Variants in ARF1 observed in about 807,000 individuals in gnomAD.
The protein encoded by ARF1 is ARF GTPase 1, also known as ADP-ribosylation factor 1.
A neutral mutation model predicts 18.0 loss-of-function variants in ARF1; 1 was observed. That is an observed-to-expected ratio of 0.06 (90% CI 0.02 to 0.26). The LOEUF is 0.26. ARF1 is among the 10% of genes least tolerant of loss of function. ARF1 has a pLI of 1.00. For missense variants in ARF1, 73 were observed against 247.2 expected, an observed-to-expected ratio of 0.30 and a Z score of 4.73; for synonymous variants, 112 against 96.3, an observed-to-expected ratio of 1.16 and a Z score of -0.95.
At position 228,098,947 on chromosome 1, in the gene ARF1, TCTCC is replaced by T. The variant is rs1328369548; in HGVS notation, c.*938_*941del. ...CACCTCTGTGTGTGATGTAGCTTTC[TCTCC>T]CTCAGCCTGCAAGGGTCCGATTTGC... On this transcript the variant is annotated 3_prime_UTR_variant, in exon 5 of 5. Coordinates refer to ENST00000272102, the MANE Select transcript of ARF1 (RefSeq NM_001658.4). 1.3e-5 allele frequency: 2 copies of T among 152,572 alleles called. No individual in the cohort carries two copies. Among genetic ancestry groups the T allele is most frequent in the African/African-American group, 4.8e-5 (2 of 41,430 alleles). The allele number at this position is 152,572 out of a possible 1,614,324, so 9.5% of individuals were successfully genotyped here.
chr1:228,090,604 C>G (rs2032548405), intron 1 of ARF1: 1 of 152,254 alleles, frequency 6.6e-6, no homozygotes, highest in African/African-American at 2.4e-5. Flanking sequence ...AGTCCATCAG[C>G]CACTGCACTG....
At chr1:228,083,722 A>G (rs2032297991) in intron 1 of ARF1, among the ~76,000 whole-genome samples, 1 of 152,250 alleles carries the variant, frequency 6.6e-6, no homozygotes, top group Admixed American at 6.5e-5. Flanking sequence ...CTCTCGGAGC[A>G]CAGCCTGGGT....
intron 1 of ARF1, among the ~76,000 whole-genome samples, chr1:228,094,519 A>G (rs561224888): frequency 1.5e-4 from 23 of 152,080 alleles, no homozygotes; most frequent in African/African-American, 5.3e-4. Context: ...GAGTTGCCCA[A>G]CCCCATAATA....
intron 1 of ARF1, among the ~76,000 whole-genome samples, chr1:228,091,228 A>G (rs2032566197): frequency 6.6e-6 from 1 of 152,222 alleles, no homozygotes; most frequent in African/African-American, 2.4e-5. Context: ...ATCACCTTGA[A>G]TTTTAAGCTG....
intron 1 of ARF1, chr1:228,090,408 G>A (rs2032541863): frequency 6.6e-6 from 1 of 152,284 alleles, no homozygotes; most frequent in African/African-American, 2.4e-5. Flanking sequence ...GACGGGGCTG[G>A]TTGAAGTACT....
chr1:228,091,056 A>G (rs965546568), intron 1 of ARF1: 10 of 152,256 alleles, frequency 6.6e-5, no homozygotes, highest in African/African-American at 1.7e-4. Flanking sequence ...GAAGCAAGAA[A>G]TACACAAATA....
Position 228,097,938 on chromosome 1 carries a change from C to T in ARF1, c.471C>T (p.Ala157=), listed in dbSNP as rs1355164102. ...SLRHRNWYIQ[A]TCATSGDGLY... is the part of the protein sequence containing the mutation. ...GCCACAGGAACTGGTACATTCAGGC[C>T]ACCTGCGCCACCAGCGGCGACGGGC... is the stretch of plus-strand genomic sequence containing the variant. Residue 157 remains alanine, a synonymous_variant, in exon 5 of 5, where the codon GCC becomes GCT. Coordinates refer to ENST00000272102, the MANE Select transcript of ARF1 (RefSeq NM_001658.4). This position sits in a 1 kb window ranked among gnomAD's most constrained non-coding sequence, Gnocchi z 8.1. 8 of 1,614,198 alleles carry T rather than the reference C, an allele frequency of 5.0e-6. No individual in the cohort carries two copies. In the South Asian group the frequency reaches 6.6e-5, roughly 13 times the overall value.
chr1:228,090,372 C>G (rs2032540475), intron 1 of ARF1: 1 of 152,272 alleles, frequency 6.6e-6, no homozygotes, highest in Non-Finnish European at 1.5e-5. Context: ...AAACTGACCT[C>G]AAACTGCTGG....
intron 1 of ARF1, among the ~76,000 whole-genome samples, chr1:228,095,113 A>G (rs1422477469): frequency 1.3e-5 from 2 of 151,580 alleles, no homozygotes; most frequent in Non-Finnish European, 2.9e-5. Context: ...TTCATTTTGA[A>G]TTTTCCTTTT....
rs1218360535 is a variant in ARF1, at chr1:228,089,406, C to T, written c.-38+6641C>T. Among the ~76,000 whole-genome samples the T allele has an allele frequency of 6.6e-6, 1 of 152,124 alleles. No homozygotes were observed. Among genetic ancestry groups the T allele is most frequent in the African/African-American group, 2.4e-5 (1 of 41,446 alleles). On this transcript the variant is annotated intron_variant, in intron 1 of 4. Coordinates refer to ENST00000272102, the MANE Select transcript of ARF1 (RefSeq NM_001658.4). The surrounding 1 kb of genome is among the most constrained non-coding windows in gnomAD (Gnocchi z 4.1). ...CCGTCTCTTTACATGTCTGACTGACCAGAGTGGGGTGGGGTGGCAAGGTGG... is the reference window on the plus strand; with the variant it reads ...CCGTCTCTTTACATGTCTGACTGACTAGAGTGGGGTGGGGTGGCAAGGTGG...
chr1:228,086,859 A>T (rs1048165090), intron 1 of ARF1, among the ~76,000 whole-genome samples: 4 of 152,242 alleles, frequency 2.6e-5, no homozygotes, highest in African/African-American at 9.7e-5. Context: ...CACAGGTAAA[A>T]TAACCTGGAG....
intron 1 of ARF1, among the ~76,000 whole-genome samples, chr1:228,095,541 G>C (rs1477040915): frequency 6.6e-6 from 1 of 152,126 alleles, no homozygotes; most frequent in African/African-American, 2.4e-5. Flanking sequence ...GTTTTGGTTT[G>C]GTTCACCAGC....
At chr1:228,084,659 C>T (rs1397267076) in intron 1 of ARF1, among the ~76,000 whole-genome samples, 1 of 152,176 alleles carries the variant, frequency 6.6e-6, no homozygotes, top group African/African-American at 2.4e-5. Context: ...CCCCTACGGA[C>T]CAGACAGGCT....
At chr1:228,086,570 A>G (rs1006595730) in intron 1 of ARF1, among the ~76,000 whole-genome samples, 2 of 152,102 alleles carry the variant, frequency 1.3e-5, no homozygotes, top group African/African-American at 4.8e-5. Context: ...TTGATGGGAA[A>G]TACCCGAAAG....
intron 1 of ARF1, among the ~76,000 whole-genome samples, chr1:228,092,590 C>A (rs1259207720): frequency 1.3e-5 from 2 of 152,214 alleles, no homozygotes; most frequent in African/African-American, 4.8e-5. Flanking sequence ...GTGTCTCTGT[C>A]TTTCTGTTGG....
In ARF1 at chr1:228,096,984, G is replaced by T. The variant is rs1163041641; in HGVS notation, c.-37-94G>T. 2.6e-6 allele frequency: 3 copies of T among 1,151,162 alleles called. No individual in the cohort carries two copies. In the East Asian group the frequency reaches 7.8e-5, roughly 30 times the overall value. The allele number at this position is 1,151,162 out of a possible 1,614,324, so 71.3% of individuals were successfully genotyped here. A position where few individuals can be genotyped will look rare whatever the true frequency, so the allele number is the denominator to read the frequency against. On this transcript the variant is annotated intron_variant, in intron 1 of 4. Transcript: ENST00000272102. The stretch of plus-strand genomic sequence containing the variant: ...GTTTCCCTGCAGGCTTCCAGGAGGT[G>T]GGGTGAGGCAGTGGTGCATCCCTGG...
chr1:228,088,930 C>G (rs778216137), intron 1 of ARF1, among the ~76,000 whole-genome samples: 1 of 152,146 alleles, frequency 6.6e-6, no homozygotes, highest in Non-Finnish European at 1.5e-5. Flanking sequence ...ACCAAGGCAG[C>G]CTATTGCAAG....
chr1:228,085,549 GT>G (rs1159768663), intron 1 of ARF1, among the ~76,000 whole-genome samples: 1 of 152,214 alleles, frequency 6.6e-6, no homozygotes, highest in African/African-American at 2.4e-5. Context: ...ACTAATCCTG[GT>G]TTCCTGGTTC....
chr1:228,091,283 A>G (rs560272783), intron 1 of ARF1, among the ~76,000 whole-genome samples: 1 of 152,318 alleles, frequency 6.6e-6, no homozygotes, highest in East Asian at 1.9e-4. Context: ...CCCCACCTGA[A>G]AGTCAGACCT....
Sources: allele counts gnomAD v4.1 joint callset (sites outside exome capture counted in the v4.1 genomes callset), GRCh38; gene constraint gnomAD v4.1.1; non-coding constraint Gnocchi (gnomAD v3.1); transcripts MANE v1.5; gene names NCBI Gene and HGNC (gene_info 2026-07-23, HGNC 2026-07-21).